BAZ1B: variants seen among roughly 807,000 people sequenced by gnomAD.
BAZ1B encodes the protein tyrosine-protein kinase BAZ1B.
Under a neutral mutation model 153.8 loss-of-function variants are expected in BAZ1B, and 22 were observed. The observed-to-expected ratio is 0.14, with a 90% confidence interval of 0.10 to 0.20. BAZ1B has a LOEUF of 0.20. BAZ1B is among the 10% of genes least tolerant of loss of function. BAZ1B has a pLI of 1.00. For missense variants in BAZ1B, 1,325 were observed against 1,799.3 expected (o/e 0.74, Z 4.77); for synonymous variants, 676 against 633.4 (o/e 1.07, Z -1.01).
At chr7:73,449,770 C>T (rs1235578689) in intron 14 of BAZ1B, 81 bp from the exon 15 acceptor site, 28 of 1,447,090 alleles carry the variant, frequency 1.9e-5, no homozygotes, top group Admixed American at 8.2e-5. Context: ...AATCACCCTA[C>T]AATTCAAGGC....
At chr7:73,458,154 G>C (rs1788269806) in intron 13 of BAZ1B, among the ~76,000 whole-genome samples, 1 of 152,206 alleles carries the variant, frequency 6.6e-6, no homozygotes, top group Non-Finnish European at 1.5e-5. Flanking sequence ...TCGTGGGACA[G>C]AGCACTTTAA....
intron 15 of BAZ1B, among the ~76,000 whole-genome samples, chr7:73,447,733 A>G (rs1787890648): frequency 1.3e-5 from 2 of 152,218 alleles, no homozygotes; most frequent in African/African-American, 4.8e-5. Context: ...GTAATACATC[A>G]GTTACTAAAA....
intron 9 of BAZ1B, among the ~76,000 whole-genome samples, chr7:73,468,068 C>T (rs1554571448): frequency 6.6e-6 from 1 of 152,148 alleles, no homozygotes; most frequent in Non-Finnish European, 1.5e-5. Flanking sequence ...AGGAATTTCT[C>T]TAAAATGAAT....
chr7:73,482,407 C>T (rs1554573828), intron 6 of BAZ1B, among the ~76,000 whole-genome samples: 1 of 152,212 alleles, frequency 6.6e-6, no homozygotes, highest in Non-Finnish European at 1.5e-5. Context: ...TAACAACCTT[C>T]TTCAGTCAGC....
chr7:73,468,735 A>G (rs1788686441), intron 9 of BAZ1B, among the ~76,000 whole-genome samples: 1 of 152,204 alleles, frequency 6.6e-6, no homozygotes, highest in South Asian at 2.1e-4. Context: ...AAGAATTTTA[A>G]GAACCTTATC....
rs553812811 is a variant in BAZ1B at position 73,469,507 on chromosome 7, A to G, written c.2866+10T>C. On this transcript the variant is annotated intron_variant, in intron 9 of 19. Transcript: ENST00000339594. ...GGTGAAATAACTCTTAGATATACAGATATACTCACTGCGAGGACAGTAATC... is the reference window on the plus strand; with the variant it reads ...GGTGAAATAACTCTTAGATATACAGGTATACTCACTGCGAGGACAGTAATC... The G allele has an allele frequency of 6.2e-7, 1 of 1,614,126 alleles. No homozygotes were observed. The highest frequency in any genetic ancestry group is 2.2e-5 in the East Asian group (1 of 44,884).
chr7:73,440,954 A>G lies in BAZ1B; in HGVS notation c.*755T>C, dbSNP rs1351304252. 6.6e-6 allele frequency: 1 copy of G among 152,646 alleles called. No homozygotes were observed. Among genetic ancestry groups the G allele is most frequent in the African/African-American group, 2.4e-5 (1 of 41,452 alleles). The allele number at this position is 152,646 out of a possible 1,614,324, so 9.5% of individuals were successfully genotyped here. On this transcript the variant is annotated 3_prime_UTR_variant, in exon 20 of 20. Coordinates refer to ENST00000339594, the MANE Select transcript of BAZ1B (RefSeq NM_032408.4). ...GCCTAAATATAACAACTAGAGCTAG[A>G]TTTGTTGTGGGGGAAGGGGCTCTCA...
At position 73,508,406 on chromosome 7, in the gene BAZ1B, G is replaced by A. The variant is rs782468384; in HGVS notation, c.290C>T (p.Ala97Val). ...AGTATCTACTAACTTCTCTAAGGAGGCTGTGTTATGGTGAACCATTTCCAG... is the reference window on the plus strand; with the variant it reads ...AGTATCTACTAACTTCTCTAAGGAGACTGTGTTATGGTGAACCATTTCCAG... Reference protein sequence around the residue: ...LVLEMVHHNTASLEKLVDTAW... With the variant: ...LVLEMVHHNTVSLEKLVDTAW... Residue 97 changes from alanine (A) to valine (V), a missense_variant, in exon 3 of 20, where the codon GCC becomes GTC. Physicochemically the swap from Ala to Val is moderately conservative, Grantham distance 64. Coordinates refer to ENST00000339594, the MANE Select transcript of BAZ1B (RefSeq NM_032408.4). The A allele has an allele frequency of 5.0e-6, 8 of 1,613,810 alleles. No homozygotes were observed. The East Asian group carries it at 8.9e-5, about 18-fold the overall frequency.
At chr7:73,482,580 T>C (rs1402282379) in intron 6 of BAZ1B, among the ~76,000 whole-genome samples, 5 of 152,210 alleles carry the variant, frequency 3.3e-5, no homozygotes, top group Non-Finnish European at 5.9e-5. Flanking sequence ...ATAGGGTCTG[T>C]TACAATAACT....
chr7:73,496,522 G>A (rs1391648125), intron 4 of BAZ1B, among the ~76,000 whole-genome samples: 1 of 152,154 alleles, frequency 6.6e-6, no homozygotes, highest in Non-Finnish European at 1.5e-5. Context: ...TAATACTCAT[G>A]CGGAGGGAGA....
Position 73,450,803 on chromosome 7 carries a change from T to G in BAZ1B, c.3580+44A>C. Reference sequence around the variant, plus strand: ...ATGAAGATCTTGGGAATAGAAATCCTACTCCCTAATATACCCACATAAGCA... The same window carrying G: ...ATGAAGATCTTGGGAATAGAAATCCGACTCCCTAATATACCCACATAAGCA... On this transcript the variant is annotated intron_variant, in intron 14 of 19. Transcript: ENST00000339594. This position sits in a 1 kb window ranked among gnomAD's most constrained non-coding sequence, Gnocchi z 4.1. 3 of 1,597,112 alleles carry G rather than the reference T, an allele frequency of 1.9e-6. No individual in the cohort carries two copies. The highest frequency in any genetic ancestry group is 2.6e-6 in the Non-Finnish European group (3 of 1,166,168).
rs782785207 is a variant in BAZ1B at position 73,478,300 on chromosome 7, T to C, written c.1161A>G (p.Lys387=). ...TCCCTGGTTTCTTGGCAGGTGGGCC[T>C]TTTTTAGGAATGTGAAAGTTAGTGT... ...KLHTNFHIPK[K]GPPAKKPGKH... is the part of the protein sequence containing the mutation. The change falls in exon 7 of 20, where the codon AAA becomes AAG. Residue 387 remains lysine (K), a synonymous_variant. Transcript: ENST00000339594. 1.2e-6 allele frequency: 2 copies of C among 1,614,076 alleles called. No individual in the cohort carries two copies. Among genetic ancestry groups the C allele is most frequent in the Admixed American group, 3.3e-5 (2 of 59,998 alleles).
intron 3 of BAZ1B, among the ~76,000 whole-genome samples, chr7:73,502,647 T>C (rs1462874799): frequency 4.0e-5 from 6 of 150,584 alleles, no homozygotes; most frequent in Admixed American, 2.0e-4. Context: ...TAGCCAGGCA[T>C]TATAGCTACA....
At chr7:73,493,598 T>A (rs1554575925) in intron 4 of BAZ1B, among the ~76,000 whole-genome samples, 1 of 152,104 alleles carries the variant, frequency 6.6e-6, no homozygotes, top group East Asian at 1.9e-4. Context: ...CCCAGCACTT[T>A]GGGAGGCCAA....
chr7:73,500,380 A>C (rs1790077101), intron 3 of BAZ1B, among the ~76,000 whole-genome samples: 1 of 151,796 alleles, frequency 6.6e-6, no homozygotes, highest in Admixed American at 6.6e-5. Flanking sequence ...TCTACAAAAA[A>C]CACAAAAAAA....
In BAZ1B at chr7:73,442,379, G is replaced by T; in HGVS notation, c.4269C>A (p.Ser1423Arg). ...TNAEVYNCRG[S>R]HVLSCMVKTE... ...TCTTCACCATGCAGCTTAGCACATG[G>T]CTGCCACGGCAGTTGTAAACCTCAG... The change falls in exon 19 of 20, where the codon AGC becomes AGA. Residue 1423 changes from serine (S) to arginine (R), a missense_variant. Physicochemically the swap from Ser to Arg is moderately radical, Grantham distance 110. This residue lies in a region of BAZ1B where 271 missense variants were observed against 337.2 expected (regional missense o/e 0.80). Transcript: ENST00000339594. The T allele has an allele frequency of 6.2e-7, 1 of 1,614,244 alleles. No homozygotes were observed. The highest frequency in any genetic ancestry group is 8.5e-7 in the Non-Finnish European group (1 of 1,180,048).
chr7:73,476,837 C>G (rs782632221), intron 7 of BAZ1B, 31 bp downstream of exon 7: 26 of 1,564,134 alleles, frequency 1.7e-5, no homozygotes, highest in Admixed American at 1.4e-4. Flanking sequence ...TTCTACAGAG[C>G]TTCCCCTTTT....
intron 12 of BAZ1B, among the ~76,000 whole-genome samples, chr7:73,460,192 G>GA (rs782211272): frequency 0.021 from 1,554 of 73,774 alleles, 39 homozygotes; most frequent in Middle Eastern, 0.052. Context: ...CCGTCTCAGG[G>GA]AAAAAAAAAA....
intron 12 of BAZ1B, chr7:73,462,485 G>C (rs377424593): frequency 4.8e-6 from 1 of 207,486 alleles, no homozygotes. Flanking sequence ...GGACAGGACT[G>C]TAATGACAGC....
Sources: allele counts gnomAD v4.1 joint callset (sites outside exome capture counted in the v4.1 genomes callset), GRCh38; gene constraint gnomAD v4.1.1; regional missense constraint gnomAD v4.1.1; non-coding constraint Gnocchi (gnomAD v3.1); transcripts MANE v1.5; gene names NCBI Gene and HGNC (gene_info 2026-07-23, HGNC 2026-07-21).